Variants in MGMT observed in about 807,000 individuals in gnomAD.
MGMT encodes the protein methylated-DNA--protein-cysteine methyltransferase.
MGMT carries 14 observed loss-of-function variants against 15.9 expected under a neutral mutation model. The ratio of observed to expected loss-of-function variants is 0.88; its 90% CI spans 0.58 to 1.37. The LOEUF is 1.37. Ranked by LOEUF, MGMT falls within the 40% of genes most tolerant of loss-of-function variation. The probability of loss-of-function intolerance (pLI) is 0.00; values close to 1 mark genes in which losing one functional copy is unlikely to be tolerated. For missense variants in MGMT, 282 were observed against 268.1 expected, an observed-to-expected ratio of 1.05 and a Z score of -0.36; for synonymous variants, 130 against 118.2, an observed-to-expected ratio of 1.10 and a Z score of -0.65.
chr10:129,661,743 C>T (rs958866770), intron 2 of MGMT, among the ~76,000 whole-genome samples: 2 of 152,102 alleles, frequency 1.3e-5, no homozygotes, highest in Admixed American at 1.3e-4. Flanking sequence ...CTGGAGTTTC[C>T]AGTTTTGAGT....
At chr10:129,680,425 G>A (rs554203511) in intron 2 of MGMT, among the ~76,000 whole-genome samples, 39 of 152,288 alleles carry the variant, frequency 2.6e-4, no homozygotes, top group Non-Finnish European at 2.2e-4. Context: ...CTTCTCCTAG[G>A]CATCTGTATT....
At chr10:129,738,089 G>A (rs925622982) in intron 3 of MGMT, among the ~76,000 whole-genome samples, 46 of 152,224 alleles carry the variant, frequency 3.0e-4, no homozygotes, top group Admixed American at 2.7e-3. Context: ...CACCCAGTTC[G>A]AGCTTCCCGG....
chr10:129,593,298 G>T (rs1846711226), intron 2 of MGMT, among the ~76,000 whole-genome samples: 1 of 152,218 alleles, frequency 6.6e-6, no homozygotes, highest in Non-Finnish European at 1.5e-5. Flanking sequence ...ATTTGAGAAG[G>T]CTCGGAAGCC....
chr10:129,518,327 T>TACACACAC (rs1845762366), intron 1 of MGMT, among the ~76,000 whole-genome samples: 2 of 149,512 alleles, frequency 1.3e-5, no homozygotes, highest in East Asian at 2.0e-4. Flanking sequence ...TGTGTACAGA[T>TACACACAC]ACACACACAT....
chr10:129,692,513 G>C (rs1847981095), intron 2 of MGMT, among the ~76,000 whole-genome samples: 1 of 152,170 alleles, frequency 6.6e-6, no homozygotes, highest in African/African-American at 2.4e-5. Context: ...ACAGATGGTG[G>C]GCCAGTTTGG....
chr10:129,545,747 A>G (rs1050894637), intron 2 of MGMT, among the ~76,000 whole-genome samples: 1 of 152,160 alleles, frequency 6.6e-6, no homozygotes, highest in East Asian at 1.9e-4. Context: ...TATATCTGTA[A>G]GATTTTCTGA....
intron 2 of MGMT, among the ~76,000 whole-genome samples, chr10:129,605,883 T>TG (rs1413670687): frequency 8.6e-5 from 13 of 150,664 alleles, no homozygotes; most frequent in African/African-American, 3.2e-4. Context: ...TCAAGAACGG[T>TG]GATTTTTTTT....
At chr10:129,508,305 A>ATG (rs1278097561) in intron 1 of MGMT, among the ~76,000 whole-genome samples, 1 of 152,084 alleles carries the variant, frequency 6.6e-6, no homozygotes, top group African/African-American at 2.4e-5. Flanking sequence ...CCTAGAAGGT[A>ATG]TGGGTGAAGG....
intron 2 of MGMT, among the ~76,000 whole-genome samples, chr10:129,576,926 C>A (rs1167594722): frequency 6.6e-6 from 1 of 152,130 alleles, no homozygotes; most frequent in East Asian, 1.9e-4. Context: ...GAGTGAACTC[C>A]CATTCACAGT....
At position 129,489,359 on chromosome 10, in the gene MGMT, C is replaced by CAAAAAA. The variant is rs34274988; in HGVS notation, c.-13+22085_-13+22090dup. ...TGGGTGACAGTGCAGGACTCTGTCT[C>CAAAAAA]AAAAAAAAAAAAAAAAAAAAAAAAA... On this transcript the variant is annotated intron_variant, in intron 1 of 4. Coordinates refer to ENST00000651593, the MANE Select transcript of MGMT (RefSeq NM_002412.5). Among the ~76,000 whole-genome samples, 37 of 57,348 alleles carry CAAAAAA rather than the reference C, an allele frequency of 6.5e-4. 1 individual carries two copies. Among genetic ancestry groups the CAAAAAA allele is most frequent in the African/African-American group, 2.5e-3 (34 of 13,362 alleles). The allele number at this position is 57,348 out of a possible 152,430, so 37.6% of individuals were successfully genotyped here.
chr10:129,589,069 G>A (rs2133052554), intron 2 of MGMT, among the ~76,000 whole-genome samples: 1 of 152,368 alleles, frequency 6.6e-6, no homozygotes, highest in East Asian at 1.9e-4. Context: ...GAAGAGGCCG[G>A]TGTTTTTGTG....
At chr10:129,518,141 G>A (rs1347646917) in intron 1 of MGMT, among the ~76,000 whole-genome samples, 5 of 151,938 alleles carry the variant, frequency 3.3e-5, no homozygotes, top group East Asian at 3.9e-4. Flanking sequence ...GTATCTCACC[G>A]TGTCCAGCAT....
intron 2 of MGMT, among the ~76,000 whole-genome samples, chr10:129,691,865 G>A (rs1304114751): frequency 6.6e-6 from 1 of 152,108 alleles, no homozygotes; most frequent in Non-Finnish European, 1.5e-5. Flanking sequence ...CGTTGGAGAG[G>A]CCACCACTCA....
rs189206136 is a variant in MGMT at position 129,746,632 on chromosome 10, A to G, written c.275-12570A>G. On this transcript the variant is annotated intron_variant, in intron 3 of 4. Transcript: ENST00000651593. ...AATAAACATTTGGTCGTGCTTCAGTAGGTCTATTTTGGAAATCTCTCTTCT... is the reference window on the plus strand; with the variant it reads ...AATAAACATTTGGTCGTGCTTCAGTGGGTCTATTTTGGAAATCTCTCTTCT... Among the ~76,000 whole-genome samples the G allele has an allele frequency of 2.3e-3, 347 of 152,264 alleles. 6 individuals are homozygous for G. Among genetic ancestry groups the G allele is most frequent in the Non-Finnish European group, 2.9e-4 (20 of 68,016 alleles).
chr10:129,592,954 A>C lies in MGMT; in HGVS notation c.125+56577A>C, dbSNP rs149612440. Among the ~76,000 whole-genome samples, 70 of 152,338 alleles carry C rather than the reference A, an allele frequency of 4.6e-4. 1 individual carries two copies. In the East Asian group the frequency reaches 0.013, roughly 28 times the overall value. On this transcript the variant is annotated intron_variant, in intron 2 of 4. Coordinates refer to ENST00000651593, the MANE Select transcript of MGMT (RefSeq NM_002412.5). ...AATAGAAATAACTTGCATGAGGAAAAAAATAGCTCTTTAGAGTCCTCATGA... is the reference window on the plus strand; with the variant it reads ...AATAGAAATAACTTGCATGAGGAAACAAATAGCTCTTTAGAGTCCTCATGA...
chr10:129,636,046 T>C (rs942130743), intron 2 of MGMT, among the ~76,000 whole-genome samples: 1 of 152,252 alleles, frequency 6.6e-6, no homozygotes, highest in Non-Finnish European at 1.5e-5. Flanking sequence ...AGATAGAATG[T>C]GGTTTTCTGA....
intron 3 of MGMT, among the ~76,000 whole-genome samples, chr10:129,746,209 A>T (rs368160935): frequency 3.4e-4 from 50 of 148,682 alleles, no homozygotes; most frequent in Non-Finnish European, 6.4e-4. Flanking sequence ...ACTTTGCTCC[A>T]GCCTAGGGGA....
At chr10:129,514,713 G>A (rs982183108) in intron 1 of MGMT, among the ~76,000 whole-genome samples, 2 of 152,180 alleles carry the variant, frequency 1.3e-5, no homozygotes, top group Non-Finnish European at 2.9e-5. Context: ...AGCCCTCGAC[G>A]ATTGAGGATG....
chr10:129,682,243 G>T (rs1847860918), intron 2 of MGMT, among the ~76,000 whole-genome samples: 1 of 152,050 alleles, frequency 6.6e-6, no homozygotes, highest in Non-Finnish European at 1.5e-5. Flanking sequence ...AAGCAATTCA[G>T]ATGTCCTTCC....
Sources: gnomAD v4.1 joint callset for allele counts (sites outside exome capture counted in the v4.1 genomes callset) on GRCh38, gnomAD v4.1.1 for gene constraint, MANE v1.5 for transcripts, NCBI Gene and HGNC (gene_info 2026-07-23, HGNC 2026-07-21) for gene names.